PREP: variants seen among roughly 807,000 people sequenced by gnomAD.
The protein encoded by PREP is prolyl endopeptidase.
PREP carries 29 observed loss-of-function variants against 87.6 expected under a neutral mutation model. The ratio of observed to expected loss-of-function variants is 0.33; its 90% CI spans 0.25 to 0.45. PREP has a LOEUF of 0.45. PREP is among the 20% of genes least tolerant of loss of function. PREP has a pLI of 1.00. For synonymous variants in PREP, 337 were observed against 328.6 expected (o/e 1.03, Z -0.28); for missense variants, 695 against 886.5 (o/e 0.78, Z 2.74).
chr6:105,278,217 G>A lies in PREP; in HGVS notation c.2060C>T (p.Ala687Val), dbSNP rs1480607760. ...KAGHGAGKPT[A>V]KVIEEVSDMF... The stretch of plus-strand genomic sequence containing the variant: ...GTCTGAGACTTCCTCTATCACTTTG[G>A]CTGTGGGCTTCCCCGCCCCGTGGCC... Residue 687 changes from alanine to valine, a missense_variant, in exon 15 of 15, where the codon GCC becomes GTC. Ala to Val is a moderately conservative substitution (Grantham distance 64, BLOSUM62 0). Transcript: ENST00000652536. This position sits in a 1 kb window ranked among gnomAD's most constrained non-coding sequence, Gnocchi z 4.2. The A allele has an allele frequency of 6.2e-7, 1 of 1,614,196 alleles. No homozygotes were observed. The highest frequency in any genetic ancestry group is 8.5e-7 in the Non-Finnish European group (1 of 1,180,042).
intron 7 of PREP, among the ~76,000 whole-genome samples, chr6:105,341,839 G>A (rs1771659997): frequency 6.6e-6 from 1 of 152,180 alleles, no homozygotes; most frequent in Admixed American, 6.5e-5. Context: ...ACTAAACCAG[G>A]AAGAAGTTGC....
intron 11 of PREP, among the ~76,000 whole-genome samples, chr6:105,286,450 A>G (rs1423604642): frequency 6.6e-6 from 1 of 152,230 alleles, no homozygotes; most frequent in East Asian, 1.9e-4. Flanking sequence ...AAGAAACTAT[A>G]GCACAAACCC....
intron 2 of PREP, among the ~76,000 whole-genome samples, chr6:105,381,489 G>A (rs763944388): frequency 6.6e-6 from 1 of 152,190 alleles, no homozygotes; most frequent in Admixed American, 6.5e-5. Flanking sequence ...AGTGTTACAT[G>A]GTGATAAGGA....
intron 10 of PREP, among the ~76,000 whole-genome samples, chr6:105,306,329 C>T (rs1346136998): frequency 1.3e-5 from 2 of 152,116 alleles, no homozygotes; most frequent in Admixed American, 1.3e-4. Flanking sequence ...CAAAGGCTGG[C>T]AACAAAGTCT....
chr6:105,293,601 T>TA (rs199738673), intron 10 of PREP, among the ~76,000 whole-genome samples: 8,366 of 130,450 alleles, frequency 0.064, 722 homozygotes, highest in African/African-American at 0.2. Flanking sequence ...CTTCAATTTG[T>TA]AAAAAAAAAA....
Position 105,277,282 on chromosome 6 carries a change from G to GTATC in PREP, c.*858_*861dup, listed in dbSNP as rs531080686. Among the ~76,000 whole-genome samples the GTATC allele has an allele frequency of 1.9e-3, 287 of 150,002 alleles. No homozygotes were observed. Among genetic ancestry groups the GTATC allele is most frequent in the African/African-American group, 6.6e-3 (263 of 39,990 alleles). ...GACTGTAAGAAATGCTTGGATATATGTATCTGTTTGTTTGGATAATTTACT... is the reference window on the plus strand; with the variant it reads ...GACTGTAAGAAATGCTTGGATATATGTATCTATCTGTTTGTTTGGATAATTTACT... On this transcript the variant is annotated 3_prime_UTR_variant, in exon 15 of 15. Transcript: ENST00000652536.
chr6:105,368,510 GAA>G (rs1772453668), intron 6 of PREP, among the ~76,000 whole-genome samples: 1 of 152,070 alleles, frequency 6.6e-6, no homozygotes, highest in African/African-American at 2.4e-5. Flanking sequence ...ATAAAAAAGG[GAA>G]AGACACACTC....
intron 5 of PREP, among the ~76,000 whole-genome samples, chr6:105,370,043 G>A (rs1022296585): frequency 6.6e-6 from 1 of 152,060 alleles, no homozygotes; most frequent in Non-Finnish European, 1.5e-5. Flanking sequence ...CCTGAGGTCA[G>A]GAGTTCGAGA....
chr6:105,376,186 A>C lies in PREP; in HGVS notation c.324T>G (p.Gly108=). ...RVLYVQDSLE[G]EARVFLDPNI... ...TGGGGTCCAGGAACACTCTGGCCTCACCCTCTAAGGAATCCTGTACATATA... is the reference window on the plus strand; with the variant it reads ...TGGGGTCCAGGAACACTCTGGCCTCCCCCTCTAAGGAATCCTGTACATATA... The change falls in exon 4 of 15, where the codon GGT becomes GGG. Residue 108 remains glycine (G), a synonymous_variant. Coordinates refer to ENST00000652536, the MANE Select transcript of PREP (RefSeq NM_002726.5). 6.2e-7 allele frequency: 1 copy of C among 1,613,898 alleles called. No homozygotes were observed. Among genetic ancestry groups the C allele is most frequent in the Non-Finnish European group, 8.5e-7 (1 of 1,179,892 alleles).
At chr6:105,368,440 A>T (rs978789602) in intron 6 of PREP, among the ~76,000 whole-genome samples, 5 of 152,214 alleles carry the variant, frequency 3.3e-5, no homozygotes, top group Non-Finnish European at 7.3e-5. Context: ...AAAATGTATA[A>T]AAGACACTCA....
chr6:105,352,100 A>G (rs1771972077), intron 7 of PREP, among the ~76,000 whole-genome samples: 1 of 152,230 alleles, frequency 6.6e-6, no homozygotes, highest in Non-Finnish European at 1.5e-5. Flanking sequence ...ATTATTACAG[A>G]AATGCACTTA....
At chr6:105,365,092 C>T (rs546493746) in intron 6 of PREP, among the ~76,000 whole-genome samples, 6 of 152,156 alleles carry the variant, frequency 3.9e-5, no homozygotes, top group African/African-American at 1.4e-4. Flanking sequence ...ACTAAAAATA[C>T]AAAAATTAGC....
intron 10 of PREP, among the ~76,000 whole-genome samples, chr6:105,305,225 T>C (rs867279077): frequency 6.6e-6 from 1 of 152,094 alleles, no homozygotes. Context: ...CCTTAAAAAT[T>C]TGTGGCTGGT....
intron 9 of PREP, among the ~76,000 whole-genome samples, chr6:105,327,096 G>A (rs894185213): frequency 2.0e-5 from 3 of 152,160 alleles, no homozygotes; most frequent in African/African-American, 4.8e-5. Context: ...GAGCAGGTGA[G>A]TCACCCTCAC....
At chr6:105,288,735 C>A (rs765771049) in intron 11 of PREP, 23 bp downstream of exon 11, 6 of 1,612,472 alleles carry the variant, frequency 3.7e-6, no homozygotes, top group Non-Finnish European at 5.1e-6. Flanking sequence ...AATACTGGCA[C>A]TCTGAGTGCG....
At chr6:105,340,731 G>A (rs1771623499) in intron 7 of PREP, among the ~76,000 whole-genome samples, 2 of 152,122 alleles carry the variant, frequency 1.3e-5, no homozygotes, top group Admixed American at 6.5e-5. Context: ...AAAAAGCAGG[G>A]TTGCAATCCT....
intron 12 of PREP, among the ~76,000 whole-genome samples, chr6:105,283,715 T>A (rs971328112): frequency 2.0e-5 from 3 of 152,218 alleles, no homozygotes; most frequent in Admixed American, 6.5e-5. Context: ...AAAAGGTCTA[T>A]TTCTGGTCCT....
At chr6:105,401,584 A>G (rs918265902) in intron 1 of PREP, among the ~76,000 whole-genome samples, 3 of 151,714 alleles carry the variant, frequency 2.0e-5, no homozygotes, top group Non-Finnish European at 2.9e-5. Context: ...TCTCCATTCC[A>G]GCAGGATCAC....
chr6:105,303,594 C>T (rs1404693907), intron 10 of PREP, among the ~76,000 whole-genome samples: 1 of 152,112 alleles, frequency 6.6e-6, no homozygotes, highest in Non-Finnish European at 1.5e-5. Flanking sequence ...ATGCAGACAC[C>T]CACAAAGCTA....
Sources: gnomAD v4.1 joint callset for allele counts (sites outside exome capture counted in the v4.1 genomes callset) on GRCh38, gnomAD v4.1.1 for gene constraint, Gnocchi (gnomAD v3.1) non-coding constraint, MANE v1.5 for transcripts, NCBI Gene and HGNC (gene_info 2026-07-23, HGNC 2026-07-21) for gene names.